The following CTDSP2 variants were observed in gnomAD, a reference collection of about 807,000 sequenced individuals.
CTDSP2 encodes the protein carboxy-terminal domain RNA polymerase II polypeptide A small phosphatase 2.
Under a neutral mutation model 31.6 loss-of-function variants are expected in CTDSP2, and 9 were observed. The ratio of observed to expected loss-of-function variants is 0.28; its 90% CI spans 0.17 to 0.50. CTDSP2 has a LOEUF of 0.50. Among genes scored for constraint, CTDSP2 ranks in the 20% least tolerant of loss-of-function variants. CTDSP2 has a pLI of 0.98. For missense variants in CTDSP2, 267 were observed against 348.5 expected (o/e 0.77, Z 1.86); for synonymous variants, 134 against 134.5 (o/e 1.00, Z 0.03).
In CTDSP2 at chr12:57,832,825, G is replaced by T. The variant is rs932537887; in HGVS notation, c.65-3229C>A. On this transcript the variant is annotated intron_variant, in intron 1 of 7. Transcript: ENST00000398073. The stretch of plus-strand genomic sequence containing the variant: ...AAAAAAAAAAAAAAAAAAAGGAAAA[G>T]AAAAAGAAAAAAACAAAAGACAGCA... 8.7e-4 allele frequency among the ~76,000 whole-genome samples: 97 copies of T among 111,784 alleles called. 1 individual carries two copies. The highest frequency in any genetic ancestry group is 2.7e-3 in the African/African-American group (86 of 31,362). 73.3% of individuals were successfully genotyped at this position (111,784 alleles called of 152,430 possible).
intron 2 of CTDSP2, 112 bp downstream of exon 2, chr12:57,829,336 A>G: frequency 7.8e-7 from 1 of 1,285,592 alleles, no homozygotes; most frequent in African/African-American, 1.5e-5. Context: ...CCTCTCAGCC[A>G]GAAATCTTTG....
intron 1 of CTDSP2, among the ~76,000 whole-genome samples, chr12:57,837,639 C>T (rs558621359): frequency 2.2e-4 from 33 of 151,482 alleles, no homozygotes; most frequent in African/African-American, 7.8e-4. Context: ...TGCAGTGAGC[C>T]GAGATCACAC....
rs1441212674 is a variant in CTDSP2 at position 57,827,029 on chromosome 12, G to T, written c.321C>A (p.Asp107Glu). 6.2e-7 allele frequency: 1 copy of T among 1,613,650 alleles called. No individual in the cohort carries two copies. The highest frequency in any genetic ancestry group is 8.5e-7 in the Non-Finnish European group (1 of 1,179,950). ...AGCTATGCACAAGGGTTTCATCGAG[G>T]TCAATGACCACACAGATCCTTCCTT... The part of the protein sequence containing the change: ...EDQGRICVVI[D>E]LDETLVHSSF... The change falls in exon 4 of 8, where the codon GAC (aspartate) becomes GAA (glutamate). Residue 107 changes from aspartate (D) to glutamate (E), a missense_variant. This residue lies in a region of CTDSP2 where 156 missense variants were observed against 241.3 expected (regional missense o/e 0.65). Transcript: ENST00000398073.
intron 1 of CTDSP2, among the ~76,000 whole-genome samples, chr12:57,845,759 G>C (rs902305289): frequency 6.6e-6 from 1 of 152,032 alleles, no homozygotes; most frequent in South Asian, 2.1e-4. Flanking sequence ...CCAAGGTCCC[G>C]GGGCCTGCGC....
At position 57,829,679 on chromosome 12, in the gene CTDSP2, T is replaced by TA; in HGVS notation, c.65-84dup. On this transcript the variant is annotated intron_variant, in intron 1 of 7. Coordinates refer to ENST00000398073, the MANE Select transcript of CTDSP2 (RefSeq NM_005730.4). ...GATACTACCATGCCCATAGCTCTTC[T>TA]AGTTTGTAAACTCTACTAGGGCACA... 2.3e-6 allele frequency: 3 copies of TA among 1,316,270 alleles called. No individual in the cohort carries two copies. In the South Asian group the frequency reaches 3.6e-5, roughly 16 times the overall value. 81.5% of individuals were successfully genotyped at this position (1,316,270 alleles called of 1,614,324 possible).
At chr12:57,826,897 A>G in intron 4 of CTDSP2, 99 bp downstream of exon 4, 1 of 941,982 alleles carries the variant, frequency 1.1e-6, no homozygotes. Flanking sequence ...CCTTCTAATC[A>G]CTCTTCTTTC....
rs148313336 is a variant in CTDSP2 at position 57,840,395 on chromosome 12, C to T, written c.64+5977G>A. On this transcript the variant is annotated intron_variant, in intron 1 of 7. Transcript: ENST00000398073. ...GTACCTGACTGGCTCAGTGTTTCTGCAAGCCTTAGAGGACTCATGCCTAGG... is the reference window on the plus strand; with the variant it reads ...GTACCTGACTGGCTCAGTGTTTCTGTAAGCCTTAGAGGACTCATGCCTAGG... 1.1e-4 allele frequency among the ~76,000 whole-genome samples: 16 copies of T among 152,338 alleles called. No homozygotes were observed. In the East Asian group the frequency reaches 2.9e-3, roughly 28 times the overall value.
Position 57,846,547 on chromosome 12 carries a change from T to G in CTDSP2, c.-112A>C, listed in dbSNP as rs1214046711. 1 of 836,296 alleles carries G rather than the reference T, an allele frequency of 1.2e-6. No homozygotes were observed. The highest frequency in any genetic ancestry group is 1.8e-5 in the African/African-American group (1 of 54,216). 51.8% of individuals were successfully genotyped at this position (836,296 alleles called of 1,614,324 possible). A position where few individuals can be genotyped will look rare whatever the true frequency, so the allele number is the denominator to read the frequency against. On this transcript the variant is annotated 5_prime_UTR_variant, in exon 1 of 8. Coordinates refer to ENST00000398073, the MANE Select transcript of CTDSP2 (RefSeq NM_005730.4). ...CCGCTCCGGCTCCCGAGACTCCGAC[T>G]TCCACAGCTGTTCACATCCCCCCTC...
chr12:57,829,313 G>A, intron 2 of CTDSP2, 135 bp downstream of exon 2: 1 of 969,678 alleles, frequency 1.0e-6, no homozygotes, highest in Non-Finnish European at 1.6e-6. Flanking sequence ...ATGGAAGGAT[G>A]GAGGAAGGGC....
chr12:57,844,050 C>G (rs984434858), intron 1 of CTDSP2, among the ~76,000 whole-genome samples: 5 of 152,108 alleles, frequency 3.3e-5, no homozygotes, highest in Non-Finnish European at 7.4e-5. Flanking sequence ...AAAAAATTAG[C>G]CAAGCGTGAT....
chr12:57,825,345 C>T (rs1311626659), intron 5 of CTDSP2, among the ~76,000 whole-genome samples: 1 of 152,186 alleles, frequency 6.6e-6, no homozygotes, highest in Non-Finnish European at 1.5e-5. Context: ...CCAACAAGCC[C>T]CTTCCTCATC....
Position 57,846,655 on chromosome 12 carries a change from G to A in CTDSP2, c.-220C>T, listed in dbSNP as rs1192610694. The stretch of plus-strand genomic sequence containing the variant: ...GCAGCGGCTCCCCCGGGTGCCCCCG[G>A]CCCCGATCCCCCAGCGGCAGCTCCG... On this transcript the variant is annotated 5_prime_UTR_variant, in exon 1 of 8. Coordinates refer to ENST00000398073, the MANE Select transcript of CTDSP2 (RefSeq NM_005730.4). 2.2e-6 allele frequency: 1 copy of A among 450,000 alleles called. No homozygotes were observed. 27.9% of individuals were successfully genotyped at this position (450,000 alleles called of 1,614,324 possible). A position where few individuals can be genotyped will look rare whatever the true frequency, so the allele number is the denominator to read the frequency against.
intron 2 of CTDSP2, among the ~76,000 whole-genome samples, chr12:57,827,871 C>T (rs1565844930): frequency 6.6e-6 from 1 of 152,184 alleles, no homozygotes; most frequent in Non-Finnish European, 1.5e-5. Flanking sequence ...GAACAGGGAA[C>T]TCAAGTAACT....
At chr12:57,840,373 C>G (rs921817194) in intron 1 of CTDSP2, among the ~76,000 whole-genome samples, 1 of 152,218 alleles carries the variant, frequency 6.6e-6, no homozygotes, top group Non-Finnish European at 1.5e-5. Flanking sequence ...CCCCACCGTA[C>G]CTGACTGGCT....
intron 2 of CTDSP2, among the ~76,000 whole-genome samples, chr12:57,829,146 G>A (rs1322389855): frequency 2.0e-5 from 3 of 152,178 alleles, no homozygotes; most frequent in Non-Finnish European, 4.4e-5. Flanking sequence ...TCCTTACAGG[G>A]CTGCTGGCTG....
chr12:57,823,524 ACT>A lies in CTDSP2; in HGVS notation c.*76_*77del. On this transcript the variant is annotated 3_prime_UTR_variant, in exon 8 of 8. Coordinates refer to ENST00000398073, the MANE Select transcript of CTDSP2 (RefSeq NM_005730.4). ...CGTGTGGTGAGGCACTCCAGCTTCTACTCTGTCACGCTGATCGTAAAGGCACA... is the reference window on the plus strand; with the variant it reads ...CGTGTGGTGAGGCACTCCAGCTTCTACTGTCACGCTGATCGTAAAGGCACA... 3 of 1,541,724 alleles carry A rather than the reference ACT, an allele frequency of 1.9e-6. No individual in the cohort carries two copies. The highest frequency in any genetic ancestry group is 2.6e-6 in the Non-Finnish European group (3 of 1,134,614).
In CTDSP2 at chr12:57,823,442, A is replaced by G; in HGVS notation, c.*160T>C. On this transcript the variant is annotated 3_prime_UTR_variant, in exon 8 of 8. Transcript: ENST00000398073. ...GGTATCATTGGTCTGGCATTCGCCC[A>G]CTCGGCATCTAAGCTGTCCTAAAGC... 1.3e-6 allele frequency: 1 copy of G among 773,038 alleles called. No homozygotes were observed. Among genetic ancestry groups the G allele is most frequent in the Non-Finnish European group, 2.0e-6 (1 of 490,364 alleles). The allele number at this position is 773,038 out of a possible 1,614,324, so 47.9% of individuals were successfully genotyped here.
chr12:57,838,510 G>A (rs1956261270), intron 1 of CTDSP2, among the ~76,000 whole-genome samples: 1 of 152,218 alleles, frequency 6.6e-6, no homozygotes, highest in South Asian at 2.1e-4. Flanking sequence ...TCAAGTTCCT[G>A]CCTTAGTGCT....
intron 1 of CTDSP2, among the ~76,000 whole-genome samples, chr12:57,830,247 A>T (rs1245604495): frequency 6.6e-6 from 1 of 152,056 alleles, no homozygotes; most frequent in Non-Finnish European, 1.5e-5. Context: ...TAGCCAGGTG[A>T]GGTGGCGGGT....
Sources: gnomAD v4.1 joint callset for allele counts (sites outside exome capture counted in the v4.1 genomes callset) on GRCh38, gnomAD v4.1.1 for gene constraint, gnomAD v4.1.1 regional missense constraint, MANE v1.5 for transcripts, NCBI Gene and HGNC (gene_info 2026-07-23, HGNC 2026-07-21) for gene names.